PCED1B: variants seen among roughly 807,000 people sequenced by gnomAD.
The protein encoded by PCED1B is PC-esterase domain-containing protein 1B.
For synonymous variants in PCED1B, 251 were observed against 246.1 expected (o/e 1.02, Z -0.19); for missense variants, 573 against 573.9 (o/e 1.00, Z 0.02).
At chr12:47,095,437 T>C (rs1938446561) in intron 1 of PCED1B, among the ~76,000 whole-genome samples, 2 of 152,204 alleles carry the variant, frequency 1.3e-5, no homozygotes, top group African/African-American at 2.4e-5. Context: ...TTCTTTATCT[T>C]GCTCCTTGTT....
chr12:47,172,891 G>A lies in PCED1B; in HGVS notation c.-525-43331G>A, dbSNP rs574301560. Among the ~76,000 whole-genome samples, 7 of 152,320 alleles carry A rather than the reference G, an allele frequency of 4.6e-5. No individual in the cohort carries two copies. The South Asian group carries it at 1.4e-3, about 32-fold the overall frequency. On this transcript the variant is annotated intron_variant, in intron 2 of 3. Coordinates refer to ENST00000546455, the MANE Select transcript of PCED1B (RefSeq NM_138371.3). ...GGGAAAGAGGTTAAGAATGTGACAAGGAGAAATCATTTTGAAACAGACAAG... is the reference window on the plus strand; with the variant it reads ...GGGAAAGAGGTTAAGAATGTGACAAAGAGAAATCATTTTGAAACAGACAAG...
At chr12:47,151,773 T>TATTCTA (rs1400633519) in intron 2 of PCED1B, among the ~76,000 whole-genome samples, 12 of 152,194 alleles carry the variant, frequency 7.9e-5, no homozygotes, top group Non-Finnish European at 1.5e-4. Flanking sequence ...ACTTAGTCTT[T>TATTCTA]TATTCTATTC....
In PCED1B at chr12:47,236,113, G is replaced by T. The variant is rs773965399; in HGVS notation, c.1050G>T (p.Ser350=). ...ACFSSDHTFQ[S]DQFYCHSDVP... is the part of the protein sequence containing the mutation. ...TTTCCTCAGACCATACTTTCCAGTCGGATCAATTCTATTGCCATTCAGATG... is the reference window on the plus strand; with the variant it reads ...TTTCCTCAGACCATACTTTCCAGTCTGATCAATTCTATTGCCATTCAGATG... Residue 350 remains serine, a synonymous_variant, in exon 4 of 4, where the codon TCG becomes TCT. Transcript: ENST00000546455. 3 of 1,614,038 alleles carry T rather than the reference G, an allele frequency of 1.9e-6. No individual in the cohort carries two copies. The highest frequency in any genetic ancestry group is 4.5e-5 in the East Asian group (2 of 44,864).
intron 3 of PCED1B, among the ~76,000 whole-genome samples, chr12:47,224,954 CAG>C (rs1476590590): frequency 2.0e-5 from 3 of 152,094 alleles, no homozygotes; most frequent in Admixed American, 2.0e-4. Flanking sequence ...TTTTTTGACA[CAG>C]AGTCTCACGC....
At chr12:47,218,956 C>T (rs539282478) in intron 3 of PCED1B, among the ~76,000 whole-genome samples, 5 of 152,178 alleles carry the variant, frequency 3.3e-5, no homozygotes, top group Admixed American at 6.5e-5. Flanking sequence ...GCCTGGCCAA[C>T]ACGGTGAAAC....
intron 3 of PCED1B, among the ~76,000 whole-genome samples, chr12:47,233,541 G>T (rs1275195066): frequency 6.6e-6 from 1 of 152,186 alleles, no homozygotes; most frequent in Non-Finnish European, 1.5e-5. Flanking sequence ...GGAAATAAAT[G>T]GGGGGAGCTC....
chr12:47,117,833 A>G (rs1464021405), intron 2 of PCED1B, among the ~76,000 whole-genome samples: 1 of 152,068 alleles, frequency 6.6e-6, no homozygotes, highest in Admixed American at 6.6e-5. Context: ...AAGTGTTCCT[A>G]TTTCTCCACA....
At chr12:47,185,290 GA>G (rs1049369748) in intron 2 of PCED1B, among the ~76,000 whole-genome samples, 73 of 152,196 alleles carry the variant, frequency 4.8e-4, no homozygotes, top group Admixed American at 2.7e-3. Context: ...CTTACAAAAA[GA>G]AAAAACAGAG....
intron 2 of PCED1B, among the ~76,000 whole-genome samples, chr12:47,158,718 A>G (rs1271516873): frequency 1.3e-5 from 2 of 152,228 alleles, no homozygotes; most frequent in East Asian, 3.8e-4. Flanking sequence ...TGTAATAATC[A>G]AGTCAGGGTA....
chr12:47,181,363 T>A (rs1211738687), intron 2 of PCED1B, among the ~76,000 whole-genome samples: 1 of 143,342 alleles, frequency 7.0e-6, no homozygotes, highest in African/African-American at 2.6e-5. Context: ...ATGAGATAGA[T>A]TCTTTCATTA....
At chr12:47,226,610 A>G (rs1448584271) in intron 3 of PCED1B, among the ~76,000 whole-genome samples, 2 of 152,128 alleles carry the variant, frequency 1.3e-5, no homozygotes, top group African/African-American at 4.8e-5. Context: ...CCTGATCTCA[A>G]GTTATCCGCC....
At chr12:47,226,311 A>G (rs1306774437) in intron 3 of PCED1B, among the ~76,000 whole-genome samples, 3 of 152,150 alleles carry the variant, frequency 2.0e-5, no homozygotes, top group African/African-American at 7.2e-5. Context: ...ATTTACATAC[A>G]TCCGTTTTAG....
At chr12:47,164,474 T>G (rs553363295) in intron 2 of PCED1B, among the ~76,000 whole-genome samples, 1 of 152,358 alleles carries the variant, frequency 6.6e-6, no homozygotes, top group South Asian at 2.1e-4. Flanking sequence ...CTGGACACAC[T>G]GGTATGGGGA....
At chr12:47,179,535 G>A (rs568206377) in intron 2 of PCED1B, among the ~76,000 whole-genome samples, 21 of 152,148 alleles carry the variant, frequency 1.4e-4, no homozygotes, top group Non-Finnish European at 2.5e-4. Context: ...TATTTTGTCA[G>A]CATATTTCTA....
chr12:47,219,085 G>A (rs765805628), intron 3 of PCED1B, among the ~76,000 whole-genome samples: 11 of 152,088 alleles, frequency 7.2e-5, no homozygotes, highest in Non-Finnish European at 1.6e-4. Flanking sequence ...GGGATGTAGC[G>A]AGCCAAGATT....
At chr12:47,160,215 G>A (rs1414234519) in intron 2 of PCED1B, among the ~76,000 whole-genome samples, 3 of 146,158 alleles carry the variant, frequency 2.1e-5, no homozygotes, top group Non-Finnish European at 3.0e-5. Flanking sequence ...ATTTTTAAAT[G>A]TTCATGAAGT....
At chr12:47,230,118 C>T (rs1488432999) in intron 3 of PCED1B, among the ~76,000 whole-genome samples, 2 of 132,996 alleles carry the variant, frequency 1.5e-5, no homozygotes, top group Non-Finnish European at 3.2e-5. Context: ...CGGAGTCTCA[C>T]TCTGTCCCCA....
At chr12:47,136,154 A>G (rs1219545105) in intron 2 of PCED1B, among the ~76,000 whole-genome samples, 1 of 142,830 alleles carries the variant, frequency 7.0e-6, no homozygotes, top group African/African-American at 2.7e-5. Flanking sequence ...TATTATAATC[A>G]TCTTTCACAT....
intron 2 of PCED1B, among the ~76,000 whole-genome samples, chr12:47,194,831 T>A (rs1445774043): frequency 1.3e-5 from 2 of 152,170 alleles, no homozygotes; most frequent in Non-Finnish European, 2.9e-5. Context: ...AATTCGAGAG[T>A]AAATGGCATT....
Sources: allele counts gnomAD v4.1 joint callset (sites outside exome capture counted in the v4.1 genomes callset), GRCh38; gene constraint gnomAD v4.1.1; transcripts MANE v1.5; gene names NCBI Gene and HGNC (gene_info 2026-07-23, HGNC 2026-07-21).